The following P4HB variants were observed in gnomAD, a reference collection of about 807,000 sequenced individuals.
The protein encoded by P4HB is prolyl 4-hydroxylase subunit beta.
A neutral mutation model predicts 52.6 loss-of-function variants in P4HB; 20 were observed. The ratio of observed to expected loss-of-function variants is 0.38; its 90% confidence interval spans 0.27 to 0.55. The LOEUF (loss-of-function observed/expected upper bound fraction) is 0.55. P4HB is among the 20% of genes least tolerant of loss of function. The probability of loss-of-function intolerance (pLI) is 0.74; values close to 1 mark genes in which losing one functional copy is unlikely to be tolerated. For missense variants in P4HB, 601 were observed against 669.2 expected (o/e 0.90, Z 1.12); for synonymous variants, 296 against 277.9 (o/e 1.07, Z -0.65).
chr17:81,860,505 G>C lies in P4HB; in HGVS notation c.-34C>G. 3 of 1,242,108 alleles carry C rather than the reference G, an allele frequency of 2.4e-6. No homozygotes were observed. The highest frequency in any genetic ancestry group is 3.0e-6 in the Non-Finnish European group (3 of 991,028). 76.9% of individuals were successfully genotyped at this position (1,242,108 alleles called of 1,614,324 possible). ...CGGATCAGGCGGGGCGCTTCGGTTGGCGCCGCCGGGACAGCGGGGGCGACG... is the reference window on the plus strand; with the variant it reads ...CGGATCAGGCGGGGCGCTTCGGTTGCCGCCGCCGGGACAGCGGGGGCGACG... On this transcript the variant is annotated 5_prime_UTR_variant, in exon 1 of 11. Coordinates refer to ENST00000331483, the MANE Select transcript of P4HB (RefSeq NM_000918.4).
chr17:81,845,205 G>A lies in P4HB; in HGVS notation c.1385C>T (p.Thr462Met), dbSNP rs745864272. The change falls in exon 10 of 11, where the codon ACG (threonine) becomes ATG (methionine). Residue 462 changes from threonine to methionine, a missense_variant. Transcript: ENST00000331483. The part of the protein sequence containing the change: ...RTVIDYNGER[T>M]LDGFKKFLES... ...CAGGAATTTCTTAAAACCATCCAGC[G>A]TGCGTTCCCCGTTGTAATCAATGAC... 1.3e-5 allele frequency: 21 copies of A among 1,613,704 alleles called. No homozygotes were observed. Among genetic ancestry groups the A allele is most frequent in the South Asian group, 3.3e-5 (3 of 91,018 alleles).
rs1257393808 is a variant in P4HB, at chr17:81,860,425, C to A, written c.47G>T (p.Arg16Leu). 1 of 1,420,030 alleles carries A rather than the reference C, an allele frequency of 7.0e-7. No homozygotes were observed. The allele number at this position is 1,420,030 out of a possible 1,614,324, so 88.0% of individuals were successfully genotyped here. A position where few individuals can be genotyped will look rare whatever the true frequency, so the allele number is the denominator to read the frequency against. Reference protein sequence around the residue: ...LLCLAVAALVRADAPEEEDHV... With the variant: ...LLCLAVAALVLADAPEEEDHV... ...GTCCTCCTCCTCGGGGGCGTCGGCG[C>A]GCACCAGGGCGGCCACGGCCAGGCA... is the stretch of plus-strand genomic sequence containing the variant. Residue 16 changes from arginine (R) to leucine (L), a missense_variant, in exon 1 of 11, where the codon CGC (arginine) becomes CTC (leucine). By Grantham distance (102) the Arg-to-Leu change is moderately radical. Coordinates refer to ENST00000331483, the MANE Select transcript of P4HB (RefSeq NM_000918.4).
chr17:81,851,373 C>T (rs1409209109), intron 4 of P4HB, among the ~76,000 whole-genome samples: 1 of 152,248 alleles, frequency 6.6e-6, no homozygotes, highest in Non-Finnish European at 1.5e-5. Context: ...GCCACCCTGG[C>T]CTGGCCTGAC....
Position 81,846,679 on chromosome 17 carries a change from C to T in P4HB, c.856-50G>A, listed in dbSNP as rs774784672. Reference sequence around the variant, plus strand: ...AGGTGCGGGAGACGGCTGGCCTCTGCCTCCAGCCCTGACTTTGCTCGGAAG... The same window carrying T: ...AGGTGCGGGAGACGGCTGGCCTCTGTCTCCAGCCCTGACTTTGCTCGGAAG... On this transcript the variant is annotated intron_variant, in intron 6 of 10. Coordinates refer to ENST00000331483, the MANE Select transcript of P4HB (RefSeq NM_000918.4). This position sits in a 1 kb window ranked among gnomAD's most constrained non-coding sequence, Gnocchi z 5.7. 4 of 1,550,286 alleles carry T rather than the reference C, an allele frequency of 2.6e-6. No homozygotes were observed. The East Asian group carries it at 9.0e-5, about 35-fold the overall frequency.
chr17:81,846,091 T>C lies in P4HB; in HGVS notation c.1057-100A>G, dbSNP rs555520209. 9.4e-6 allele frequency: 13 copies of C among 1,386,914 alleles called. No homozygotes were observed. In the African/African-American group the frequency reaches 1.9e-4, roughly 20 times the overall value. 85.9% of individuals were successfully genotyped at this position (1,386,914 alleles called of 1,614,324 possible). A position where few individuals can be genotyped will look rare whatever the true frequency, so the allele number is the denominator to read the frequency against. On this transcript the variant is annotated intron_variant, in intron 7 of 10. Transcript: ENST00000331483. This position sits in a 1 kb window ranked among gnomAD's most constrained non-coding sequence, Gnocchi z 5.7. ...CCGGGACTGAGGTGCGTGGCTGCCC[T>C]GGGCACACCAGGGTGGCAGCCGCAG...
chr17:81,859,248 G>T lies in P4HB; in HGVS notation c.285C>A (p.Gly95=). The T allele has an allele frequency of 6.2e-7, 1 of 1,613,988 alleles. No individual in the cohort carries two copies. The highest frequency in any genetic ancestry group is 1.1e-5 in the South Asian group (1 of 91,082). Residue 95 remains glycine (G), a synonymous_variant, in exon 2 of 11, where the codon GGC becomes GGA. Coordinates refer to ENST00000331483, the MANE Select transcript of P4HB (RefSeq NM_000918.4). ...ACTTGATGGTGGGATAGCCGCGCAC[G>T]CCGTACTGCTGGGCCAGGTCAGACT... ...TEESDLAQQY[G]VRGYPTIKFF...
At chr17:81,845,822 C>T (rs201103118) in intron 8 of P4HB, 49 bp downstream of exon 8, 35 of 1,613,634 alleles carry the variant, frequency 2.2e-5, no homozygotes, top group South Asian at 6.6e-5. Context: ...GCCTACCTTG[C>T]GCGTGCCCTG....
At chr17:81,859,777 TGTGA>T in intron 1 of P4HB, 2 of 290,964 alleles carry the variant, frequency 6.9e-6, no homozygotes, top group Non-Finnish European at 1.3e-5. Context: ...CAGCACTAGC[TGTGA>T]GTATGAGATG....
At position 81,859,162 on chromosome 17, in the gene P4HB, G is replaced by A; in HGVS notation, c.352+19C>T. The A allele has an allele frequency of 1.2e-6, 2 of 1,608,566 alleles. No homozygotes were observed. Among genetic ancestry groups the A allele is most frequent in the South Asian group, 1.1e-5 (1 of 90,978 alleles). On this transcript the variant is annotated intron_variant, in intron 2 of 10. Transcript: ENST00000331483. The stretch of plus-strand genomic sequence containing the variant: ...AGTCCCTCTCTAAAGACAGTTCAAG[G>A]GCAGTGCCACAGCCACACCTGTATA...
chr17:81,854,999 C>T, intron 4 of P4HB, 143 bp downstream of exon 4: 1 of 796,718 alleles, frequency 1.3e-6, no homozygotes, highest in South Asian at 1.6e-5. Flanking sequence ...CAGCGCAACA[C>T]CCCAACTTGG....
In P4HB at chr17:81,843,576, G is replaced by A. The variant is rs1461692784; in HGVS notation, c.*436C>T. 20 of 436,470 alleles carry A rather than the reference G, an allele frequency of 4.6e-5. No individual in the cohort carries two copies. The highest frequency in any genetic ancestry group is 3.6e-4 in the South Asian group (5 of 13,958). The allele number at this position is 436,470 out of a possible 1,614,324, so 27.0% of individuals were successfully genotyped here. ...CAGTCCGGCTCCGTCCCTCCCACAC[G>A]GGGGACAAGCTTCTCCGAGGAGGCC... On this transcript the variant is annotated 3_prime_UTR_variant, in exon 11 of 11. Coordinates refer to ENST00000331483, the MANE Select transcript of P4HB (RefSeq NM_000918.4).
At position 81,844,110 on chromosome 17, in the gene P4HB, G is replaced by A. The variant is rs753062071; in HGVS notation, c.1447-18C>T. 1.3e-6 allele frequency: 2 copies of A among 1,568,168 alleles called. No individual in the cohort carries two copies. The highest frequency in any genetic ancestry group is 1.4e-5 in the African/African-American group (1 of 73,934). On this transcript the variant is annotated intron_variant, in intron 10 of 10. Coordinates refer to ENST00000331483, the MANE Select transcript of P4HB (RefSeq NM_000918.4). The stretch of plus-strand genomic sequence containing the variant: ...TCGAGATCCTGGGATACAGGAAAAG[G>A]GGCGGGGCGGGCAGGTTGGCTGCAA...
Position 81,846,067 on chromosome 17 carries a change from CGGGACTGAGGTGCGT to C in P4HB, c.1057-91_1057-77del. 6.8e-7 allele frequency: 1 copy of C among 1,477,934 alleles called. No homozygotes were observed. The highest frequency in any genetic ancestry group is 2.5e-5 in the East Asian group (1 of 40,692). The allele number at this position is 1,477,934 out of a possible 1,614,324, so 91.6% of individuals were successfully genotyped here. ...AGAGCTCCCCAACCCTCACCCTGCC[CGGGACTGAGGTGCGT>C]GGCTGCCCTGGGCACACCAGGGTGG... On this transcript the variant is annotated intron_variant, in intron 7 of 10. Coordinates refer to ENST00000331483, the MANE Select transcript of P4HB (RefSeq NM_000918.4). The surrounding 1 kb of genome is among the most constrained non-coding windows in gnomAD (Gnocchi z 5.7).
chr17:81,845,090 T>C (rs1598262825), intron 10 of P4HB, 54 bp downstream of exon 10: 1 of 1,382,042 alleles, frequency 7.2e-7, no homozygotes. Context: ...GCATGTCCCG[T>C]GGGGCCAAGG....
intron 4 of P4HB, among the ~76,000 whole-genome samples, chr17:81,854,265 G>A (rs2038879429): frequency 6.6e-6 from 1 of 152,222 alleles, no homozygotes; most frequent in Admixed American, 6.5e-5. Context: ...GTGGCCGGGC[G>A]CGGTGGCTCA....
chr17:81,852,747 G>C (rs2076102717), intron 4 of P4HB, among the ~76,000 whole-genome samples: 1 of 152,266 alleles, frequency 6.6e-6, no homozygotes, highest in Non-Finnish European at 1.5e-5. Context: ...GCAGGCAAGA[G>C]CAACGAAACC....
intron 2 of P4HB, among the ~76,000 whole-genome samples, chr17:81,858,052 G>A (rs2038938933): frequency 6.6e-6 from 1 of 151,960 alleles, no homozygotes; most frequent in Non-Finnish European, 1.5e-5. Flanking sequence ...GAGACGGGTG[G>A]ATCACGAGGT....
chr17:81,856,733 T>C (rs898500685), intron 2 of P4HB, among the ~76,000 whole-genome samples: 1 of 146,410 alleles, frequency 6.8e-6, no homozygotes, highest in Non-Finnish European at 1.5e-5. Flanking sequence ...CACTGCAACC[T>C]CCATCTCCCA....
intron 10 of P4HB, 125 bp downstream of exon 10, chr17:81,845,019 C>T: frequency 3.8e-6 from 3 of 796,126 alleles, no homozygotes; most frequent in Non-Finnish European, 4.1e-6. Flanking sequence ...GGCCCCAGAG[C>T]CCTGGACGCA....
Sources: allele counts gnomAD v4.1 joint callset (sites outside exome capture counted in the v4.1 genomes callset), GRCh38; gene constraint gnomAD v4.1.1; non-coding constraint Gnocchi (gnomAD v3.1); transcripts MANE v1.5; gene names NCBI Gene and HGNC (gene_info 2026-07-23, HGNC 2026-07-21).